The following KLRG1 variants were observed in gnomAD, a reference collection of about 807,000 sequenced individuals.
KLRG1 encodes the protein killer cell lectin-like receptor subfamily G member 1.
Under a neutral mutation model 21.8 loss-of-function variants are expected in KLRG1, and 16 were observed. The observed-to-expected ratio is 0.73, with a 90% CI of 0.50 to 1.11. KLRG1 has a LOEUF of 1.11. Ranked by LOEUF, KLRG1 falls within the 50% of genes most tolerant of loss-of-function variation. KLRG1 has a pLI of 0.00. For missense variants in KLRG1, 173 were observed against 218.3 expected (o/e 0.79, Z 1.31); for synonymous variants, 69 against 75.9 (o/e 0.91, Z 0.47).
rs1304791892 is a variant in KLRG1, at chr12:8,951,091, A to G, written c.-156+855A>G. On this transcript the variant is annotated intron_variant, in intron 1 of 4. Transcript: ENST00000539240. ...AAATGAAAGTAATTTGTGATCAGAT[A>G]ACACAGAAAACAACAAAACAAAAAT... 3.3e-5 allele frequency among the ~76,000 whole-genome samples: 5 copies of G among 152,192 alleles called. No homozygotes were observed. In the East Asian group the frequency reaches 9.6e-4, roughly 29 times the overall value.
the KLRG1 span, among the ~76,000 whole-genome samples, chr12:9,063,620 C>A: frequency 1.3e-5 from 2 of 152,124 alleles, no homozygotes; most frequent in South Asian, 2.1e-4. Context: ...TGTAATTAGG[C>A]CTTTTCTCCA....
At chr12:9,189,447 G>T in the KLRG1 span, among the ~76,000 whole-genome samples, 43,128 of 152,092 alleles carry the variant, frequency 0.28, 6,269 homozygotes, top group East Asian at 0.4. Context: ...ATAGGCAGAA[G>T]ATTGAAACTG....
At chr12:9,058,264 A>G in the KLRG1 span, 4 of 152,128 alleles carry the variant, frequency 2.6e-5, no homozygotes, top group East Asian at 3.8e-4. Flanking sequence ...CTATCTCTCT[A>G]TGTATAATTT....
intron 1 of KLRG1, among the ~76,000 whole-genome samples, chr12:8,983,267 G>A (rs1438103149): frequency 1.3e-5 from 2 of 151,460 alleles, no homozygotes; most frequent in South Asian, 2.1e-4. Context: ...AGCATTTCTT[G>A]TAGTGCTGGA....
chr12:9,180,241 T>A, the KLRG1 span, among the ~76,000 whole-genome samples: 1 of 152,152 alleles, frequency 6.6e-6, no homozygotes, highest in East Asian at 1.9e-4. Flanking sequence ...AATTTACAGA[T>A]TCAATGCCAT....
chr12:9,150,010 TC>T, the KLRG1 span, among the ~76,000 whole-genome samples: 15 of 152,212 alleles, frequency 9.9e-5, no homozygotes, highest in African/African-American at 3.6e-4. Flanking sequence ...TCCTCTAGGA[TC>T]CAAATCAGAT....
At chr12:9,124,106 A>G in the KLRG1 span, among the ~76,000 whole-genome samples, 4 of 152,208 alleles carry the variant, frequency 2.6e-5, no homozygotes, top group African/African-American at 9.7e-5. Flanking sequence ...AGTTATTTCT[A>G]AACAGAACTT....
At chr12:8,996,485 A>G (rs541931729) in intron 3 of KLRG1, 2 of 152,210 alleles carry the variant, frequency 1.3e-5, no homozygotes, top group Admixed American at 6.5e-5. Flanking sequence ...GAATTAAACT[A>G]TATTAACTTA....
the KLRG1 span, among the ~76,000 whole-genome samples, chr12:9,117,887 G>T: frequency 6.6e-6 from 1 of 151,930 alleles, no homozygotes; most frequent in Non-Finnish European, 1.5e-5. Flanking sequence ...ATATCTTAAA[G>T]ACTTTTTTTT....
chr12:9,091,560 A>G, the KLRG1 span: 1 of 908,640 alleles, frequency 1.1e-6, no homozygotes, highest in African/African-American at 1.7e-5. Flanking sequence ...AATGGAGAGT[A>G]TAATCAAGGA....
At chr12:9,081,337 A>G in the KLRG1 span, among the ~76,000 whole-genome samples, 1 of 152,208 alleles carries the variant, frequency 6.6e-6, no homozygotes, top group African/African-American at 2.4e-5. Context: ...GTAACAGATG[A>G]TGGCAAATAT....
chr12:9,143,452 GTA>G, the KLRG1 span, among the ~76,000 whole-genome samples: 2 of 152,088 alleles, frequency 1.3e-5, no homozygotes, highest in African/African-American at 4.8e-5. Context: ...GCATTCATCT[GTA>G]GGGTCAAAAG....
At position 9,009,120 on chromosome 12, in the gene KLRG1, G is replaced by A. The variant is rs751265181; in HGVS notation, c.458+45G>A. 4 of 1,451,534 alleles carry A rather than the reference G, an allele frequency of 2.8e-6. No individual in the cohort carries two copies. The South Asian group carries it at 3.6e-5, about 13-fold the overall frequency. The allele number at this position is 1,451,534 out of a possible 1,614,324, so 89.9% of individuals were successfully genotyped here. A position where few individuals can be genotyped will look rare whatever the true frequency, so the allele number is the denominator to read the frequency against. On this transcript the variant is annotated intron_variant, in intron 4 of 4. Transcript: ENST00000356986. The stretch of plus-strand genomic sequence containing the variant: ...TGCAAAAAAAGAGAGAGAGGAAAAA[G>A]GAAAGCCAAATTATGATACTTGGGG...
chr12:9,113,509 T>C, the KLRG1 span: 10 of 1,613,848 alleles, frequency 6.2e-6, no homozygotes, highest in East Asian at 2.2e-5. Context: ...GTGGTCTCAG[T>C]GTGGAGCAGG....
the KLRG1 span, chr12:9,090,522 G>A: frequency 1.2e-6 from 2 of 1,602,488 alleles, no homozygotes; most frequent in South Asian, 1.1e-5. Flanking sequence ...GAGGGAAGGA[G>A]AACAGAGGGA....
At chr12:9,042,571 C>A in the KLRG1 span, among the ~76,000 whole-genome samples, 1 of 152,144 alleles carries the variant, frequency 6.6e-6, no homozygotes, top group East Asian at 1.9e-4. Flanking sequence ...AGCATTGTTA[C>A]CCAGCACTTT....
At chr12:8,987,304 C>T (rs762065025), upstream of KLRG1, 3 of 152,234 alleles carry the variant, frequency 2.0e-5, no homozygotes, top group East Asian at 3.9e-4. Context: ...AAGGGTGGGG[C>T]CCTGATCTGA....
the KLRG1 span, among the ~76,000 whole-genome samples, chr12:9,205,127 A>G: frequency 1.3e-5 from 2 of 152,272 alleles, no homozygotes; most frequent in Admixed American, 6.5e-5. Flanking sequence ...ATGAGTACTA[A>G]AAGTCATATT....
At chr12:9,133,851 A>G in the KLRG1 span, among the ~76,000 whole-genome samples, 1 of 152,244 alleles carries the variant, frequency 6.6e-6, no homozygotes, top group Non-Finnish European at 1.5e-5. Flanking sequence ...GTAGAAATGA[A>G]TGAAGAAAAT....
Sources: allele counts gnomAD v4.1 joint callset (sites outside exome capture counted in the v4.1 genomes callset), GRCh38; gene constraint gnomAD v4.1.1; transcripts MANE v1.5; gene names NCBI Gene and HGNC (gene_info 2026-07-23, HGNC 2026-07-21).